MEPE: variants seen among roughly 807,000 people sequenced by gnomAD.
The protein encoded by MEPE is matrix, extracellular phosphoglycoprotein with ASARM motif (bone).
Under a neutral mutation model 7.3 loss-of-function variants are expected in MEPE, and 7 were observed. The ratio of observed to expected loss-of-function variants is 0.95; its 90% CI spans 0.54 to 1.79. MEPE has a LOEUF of 1.79. Among genes scored for constraint, MEPE ranks in the 40% most tolerant of loss-of-function variants. The pLI, the probability that MEPE is intolerant of heterozygous loss-of-function variation, is 0.00. For missense variants in MEPE, 623 were observed against 628.2 expected (o/e 0.99, Z 0.09); for synonymous variants, 214 against 213.1 (o/e 1.00, Z -0.04).
In MEPE at chr4:87,845,874, G is replaced by A; in HGVS notation, c.1006G>A (p.Glu336Lys). The change falls in exon 4 of 4, where the codon GAG becomes AAG. Residue 336 changes from glutamate (E) to lysine (K), a missense_variant. Transcript: ENST00000361056. ...AGATGCTGTTGATGTCAGCCTTGTAGAGGGCAGCAACGATATCATGGGTAG... is the reference window on the plus strand; with the variant it reads ...AGATGCTGTTGATGTCAGCCTTGTAAAGGGCAGCAACGATATCATGGGTAG... ...EADAVDVSLV[E>K]GSNDIMGSTN... 1 of 1,614,012 alleles carries A rather than the reference G, an allele frequency of 6.2e-7. No individual in the cohort carries two copies. The highest frequency in any genetic ancestry group is 8.5e-7 in the Non-Finnish European group (1 of 1,179,962).
chr4:87,844,184 C>A (rs1212368159), intron 3 of MEPE, among the ~76,000 whole-genome samples: 1 of 152,174 alleles, frequency 6.6e-6, no homozygotes, highest in Non-Finnish European at 1.5e-5. Flanking sequence ...TGCTCAGACA[C>A]TTCTATATTT....
chr4:87,836,411 A>ATG (rs1491219159), intron 2 of MEPE, among the ~76,000 whole-genome samples: 2 of 145,550 alleles, frequency 1.4e-5, no homozygotes, highest in African/African-American at 5.2e-5. Context: ...TTTCTAATCC[A>ATG]TATGTGTGTG....
intron 1 of MEPE, among the ~76,000 whole-genome samples, chr4:87,821,623 T>C (rs1274490454): frequency 2.0e-5 from 3 of 152,184 alleles, no homozygotes; most frequent in African/African-American, 7.2e-5. Context: ...TGTGTGCTGT[T>C]TTTGGTCATT....
At chr4:87,838,104 C>T (rs747086673) in intron 2 of MEPE, among the ~76,000 whole-genome samples, 1 of 152,112 alleles carries the variant, frequency 6.6e-6, no homozygotes, top group Non-Finnish European at 1.5e-5. Flanking sequence ...TCCTTAATTG[C>T]GATCCTACCA....
chr4:87,833,222 T>G (rs184489754), intron 1 of MEPE, among the ~76,000 whole-genome samples: 2 of 152,176 alleles, frequency 1.3e-5, no homozygotes, highest in Non-Finnish European at 2.9e-5. Context: ...GATGATTTGA[T>G]AGCAACTTTC....
At chr4:87,833,811 T>G (rs1005374258) in intron 1 of MEPE, among the ~76,000 whole-genome samples, 1 of 152,216 alleles carries the variant, frequency 6.6e-6, no homozygotes, top group Non-Finnish European at 1.5e-5. Flanking sequence ...AACATCATTT[T>G]GTTGAGCCCA....
chr4:87,830,495 A>C (rs1209162563), upstream of MEPE, among the ~76,000 whole-genome samples: 1 of 152,126 alleles, frequency 6.6e-6, no homozygotes. Context: ...ACCAAATACC[A>C]CATGTTCTCA....
intron 3 of MEPE, among the ~76,000 whole-genome samples, chr4:87,842,574 G>A (rs1723055488): frequency 6.6e-6 from 1 of 152,108 alleles, no homozygotes; most frequent in Non-Finnish European, 1.5e-5. Context: ...CAAACAAAAG[G>A]GAATTCATAA....
At chr4:87,831,727 A>C (rs958960653), upstream of MEPE, among the ~76,000 whole-genome samples, 3 of 151,800 alleles carry the variant, frequency 2.0e-5, no homozygotes, top group Non-Finnish European at 4.4e-5. Context: ...GCCATCTAAT[A>C]CCCTTCTGAC....
chr4:87,839,367 T>A (rs899660627), intron 3 of MEPE, among the ~76,000 whole-genome samples: 2 of 152,136 alleles, frequency 1.3e-5, no homozygotes, highest in Admixed American at 1.3e-4. Flanking sequence ...TCTCACCCCC[T>A]CCCACCTGAA....
chr4:87,826,404 TG>T lies in MEPE; in HGVS notation c.-13+4934del, dbSNP rs1578050948. Among the ~76,000 whole-genome samples, 52 of 151,838 alleles carry T rather than the reference TG, an allele frequency of 3.4e-4. No homozygotes were observed. The South Asian group carries it at 0.011, about 31-fold the overall frequency. ...AGTTTTTTTTTTTGTTTTTGTTTTT[TG>T]TTTTTGTTTTTTTTTGCTAGAGATG... is the stretch of plus-strand genomic sequence containing the variant. On this transcript the variant is annotated intron_variant, in intron 1 of 3. Transcript: ENST00000424957.
At chr4:87,835,584 G>A (rs1722756414) in intron 2 of MEPE, among the ~76,000 whole-genome samples, 1 of 152,176 alleles carries the variant, frequency 6.6e-6, no homozygotes, top group African/African-American at 2.4e-5. Context: ...CCAGGCTGAT[G>A]AGGATGACCA....
At chr4:87,828,028 T>C (rs1578051732), upstream of MEPE, among the ~76,000 whole-genome samples, 4 of 152,324 alleles carry the variant, frequency 2.6e-5, no homozygotes, top group Admixed American at 2.6e-4. Flanking sequence ...TACTCATGAA[T>C]GAACACGTTT....
chr4:87,827,318 CAT>C (rs1372542496), intron 1 of MEPE, among the ~76,000 whole-genome samples: 1 of 151,904 alleles, frequency 6.6e-6, no homozygotes, highest in Non-Finnish European at 1.5e-5. Context: ...AACTGACAAG[CAT>C]AGAGAAAATC....
Position 87,826,388 on chromosome 4 carries a change from T to TG in MEPE, c.-13+4917_-13+4918insG, listed in dbSNP as rs963678295. Among the ~76,000 whole-genome samples the TG allele has an allele frequency of 1.4e-4, 22 of 151,742 alleles. No individual in the cohort carries two copies. In the South Asian group the frequency reaches 2.7e-3, roughly 19 times the overall value. ...TGCACACCACCACAACAGTTTTTTTTTTTGTTTTTGTTTTTTGTTTTTGTT... is the reference window on the plus strand; with the variant it reads ...TGCACACCACCACAACAGTTTTTTTTGTTTGTTTTTGTTTTTTGTTTTTGTT... On this transcript the variant is annotated intron_variant, in intron 1 of 3. Coordinates refer to the MEPE transcript ENST00000424957.
chr4:87,837,178 C>T (rs1046358157), intron 2 of MEPE, among the ~76,000 whole-genome samples: 2 of 152,060 alleles, frequency 1.3e-5, no homozygotes, highest in African/African-American at 4.8e-5. Context: ...GTGGTGAGAC[C>T]ACCCAAGGAT....
At chr4:87,842,963 C>T (rs60398217) in intron 3 of MEPE, among the ~76,000 whole-genome samples, 4,347 of 152,264 alleles carry the variant, frequency 0.029, 205 homozygotes, top group African/African-American at 0.097. Flanking sequence ...ATATTGCTTT[C>T]TGAGCTCAGG....
chr4:87,822,950 G>T (rs547663184), intron 1 of MEPE, among the ~76,000 whole-genome samples: 37 of 152,314 alleles, frequency 2.4e-4, no homozygotes, highest in African/African-American at 8.9e-4. Flanking sequence ...AATCCATAAA[G>T]ACATGGTTGG....
At chr4:87,830,463 C>G (rs1366439365), upstream of MEPE, among the ~76,000 whole-genome samples, 2 of 152,124 alleles carry the variant, frequency 1.3e-5, no homozygotes, top group African/African-American at 2.4e-5. Context: ...TTATCTTCAG[C>G]AAACTAACGC....
Sources: gnomAD v4.1 joint callset for allele counts (sites outside exome capture counted in the v4.1 genomes callset) on GRCh38, gnomAD v4.1.1 for gene constraint, MANE v1.5 for transcripts, NCBI Gene and HGNC (gene_info 2026-07-23, HGNC 2026-07-21) for gene names.